CMTM4: variants seen among roughly 807,000 people sequenced by gnomAD.
The protein encoded by CMTM4 is CKLF like MARVEL transmembrane domain containing 4.
In CMTM4, 8 loss-of-function variants were observed where a neutral mutation model predicts 19.0. The observed-to-expected ratio is 0.42, with a 90% CI of 0.25 to 0.76. The LOEUF is 0.76. Among genes scored for constraint, CMTM4 ranks in the 30% least tolerant of loss-of-function variants. The pLI, the probability that CMTM4 is intolerant of heterozygous loss-of-function variation, is 0.27. For missense variants in CMTM4, 228 were observed against 290.2 expected (o/e 0.79, Z 1.56); for synonymous variants, 106 against 121.1 (o/e 0.88, Z 0.82).
chr16:66,617,152 G>A lies in CMTM4; in HGVS notation c.*4906C>T, dbSNP rs1048490825. On this transcript the variant is annotated 3_prime_UTR_variant, in exon 4 of 4. Transcript: ENST00000394106. ...GTATTATGCATCCCAAAGAAAACACGCCACCCCAGGTGTCTAGATAGCAAG... is the reference window on the plus strand; with the variant it reads ...GTATTATGCATCCCAAAGAAAACACACCACCCCAGGTGTCTAGATAGCAAG... 35 of 909,002 alleles carry A rather than the reference G, an allele frequency of 3.9e-5. No individual in the cohort carries two copies. Among genetic ancestry groups the A allele is most frequent in the Middle Eastern group, 2.3e-4 (1 of 4,392 alleles). The allele number at this position is 909,002 out of a possible 1,614,324, so 56.3% of individuals were successfully genotyped here. A position where few individuals can be genotyped will look rare whatever the true frequency, so the allele number is the denominator to read the frequency against.
the CMTM4 span, among the ~76,000 whole-genome samples, chr16:66,599,514 G>T: frequency 6.6e-6 from 1 of 151,742 alleles, no homozygotes; most frequent in East Asian, 1.9e-4. Flanking sequence ...TTGAGACAAG[G>T]TCTCACTCGC....
intron 1 of CMTM4, among the ~76,000 whole-genome samples, chr16:66,694,071 C>A (rs72790500): frequency 0.043 from 6,533 of 150,208 alleles, 264 homozygotes; most frequent in East Asian, 0.16. Context: ...AGGGAGAGAG[C>A]GCGAGGGAGA....
At chr16:66,612,653 C>G (rs369189650), downstream of CMTM4, 2 of 1,613,482 alleles carry the variant, frequency 1.2e-6, no homozygotes, top group African/African-American at 2.7e-5. This position sits in a 1 kb window ranked among gnomAD's most constrained non-coding sequence, Gnocchi z 6.0. Flanking sequence ...TGGCGGGTGC[C>G]TTGGCAACCT....
intron 1 of CMTM4, among the ~76,000 whole-genome samples, chr16:66,656,885 G>A (rs988899227): frequency 2.6e-5 from 4 of 151,972 alleles, no homozygotes; most frequent in Admixed American, 1.3e-4. Context: ...AAAATAACTC[G>A]CCTGTATTCT....
intron 1 of CMTM4, among the ~76,000 whole-genome samples, chr16:66,642,164 T>C (rs1480464324): frequency 6.6e-6 from 1 of 152,126 alleles, no homozygotes; most frequent in African/African-American, 2.4e-5. Flanking sequence ...AAACTACCTA[T>C]TGACCAAGAA....
At chr16:66,604,123 G>T in the CMTM4 span, 1 of 149,088 alleles carries the variant, frequency 6.7e-6, no homozygotes, top group Non-Finnish European at 1.5e-5. Context: ...GCCTGTGTGT[G>T]TTTGCGCGCG....
rs2015523220 is a variant in CMTM4, at chr16:66,616,175, T to C, written c.*5883A>G. The stretch of plus-strand genomic sequence containing the variant: ...TAGTGTTATCTTGTTTAACTAAATG[T>C]ACATCTTTTTTTCCAATTCCATGAT... On this transcript the variant is annotated 3_prime_UTR_variant, in exon 4 of 4. Transcript: ENST00000394106. 6.6e-6 allele frequency: 1 copy of C among 152,230 alleles called. No homozygotes were observed. The highest frequency in any genetic ancestry group is 1.5e-5 in the Non-Finnish European group (1 of 68,048). 9.4% of individuals were successfully genotyped at this position (152,230 alleles called of 1,614,324 possible).
At chr16:66,646,234 A>G (rs895316972) in intron 1 of CMTM4, among the ~76,000 whole-genome samples, 26 of 152,334 alleles carry the variant, frequency 1.7e-4, no homozygotes, top group African/African-American at 6.0e-4. Context: ...TTTAAGCTAA[A>G]CAGTAAAAAA....
At chr16:66,672,342 T>A (rs763437701) in intron 1 of CMTM4, among the ~76,000 whole-genome samples, 1 of 147,474 alleles carries the variant, frequency 6.8e-6, no homozygotes, top group Non-Finnish European at 1.5e-5. Context: ...GAGACGGAGG[T>A]TGCAATAAGC....
chr16:66,605,882 C>T, the CMTM4 span, among the ~76,000 whole-genome samples: 1 of 152,134 alleles, frequency 6.6e-6, no homozygotes, highest in African/African-American at 2.4e-5. This position sits in a 1 kb window ranked among gnomAD's most constrained non-coding sequence, Gnocchi z 4.6. Context: ...CTCCCACGGT[C>T]AGCCCAGAGG....
the CMTM4 span, among the ~76,000 whole-genome samples, chr16:66,602,644 T>A: frequency 6.6e-6 from 1 of 152,096 alleles, no homozygotes; most frequent in Non-Finnish European, 1.5e-5. Context: ...CCTTCTGGGT[T>A]CAAGTGATTC....
chr16:66,603,795 T>C, the CMTM4 span: 1 of 152,128 alleles, frequency 6.6e-6, no homozygotes, highest in African/African-American at 2.4e-5. Flanking sequence ...GCAGGAATGG[T>C]TTCGGATCTA....
intron 1 of CMTM4, among the ~76,000 whole-genome samples, chr16:66,664,377 A>G (rs551234608): frequency 6.6e-6 from 1 of 152,136 alleles, no homozygotes; most frequent in South Asian, 2.1e-4. Context: ...GTAGTGAAAG[A>G]AAAGCAACAG....
intron 2 of CMTM4, among the ~76,000 whole-genome samples, chr16:66,630,786 GC>G (rs1166064670): frequency 6.6e-6 from 1 of 151,516 alleles, no homozygotes; most frequent in East Asian, 2.0e-4. Flanking sequence ...GAGCCCCTCT[GC>G]CTGGCTGCCC....
At chr16:66,612,367 C>T (rs987741205), downstream of CMTM4, among the ~76,000 whole-genome samples, 3 of 152,134 alleles carry the variant, frequency 2.0e-5, no homozygotes, top group Admixed American at 1.3e-4. The surrounding 1 kb of genome is among the most constrained non-coding windows in gnomAD (Gnocchi z 6.0). Flanking sequence ...GAGCAAGACT[C>T]TGTCTCAAAG....
Position 66,663,399 on chromosome 16 carries a change from AGGAGGCTGAAGCG to A in CMTM4, c.187-26831_187-26819del, listed in dbSNP as rs562600249. On this transcript the variant is annotated intron_variant, in intron 1 of 3. Transcript: ENST00000394106. Reference sequence around the variant, plus strand: ...TATACCCCTGCAGTCCCAGCTAATCAGGAGGCTGAAGCGGGAGGATTACTGGAGCCCAGGAGTT... The same window carrying A: ...TATACCCCTGCAGTCCCAGCTAATCAGGAGGATTACTGGAGCCCAGGAGTT... Among the ~76,000 whole-genome samples the A allele has an allele frequency of 3.1e-3, 477 of 152,226 alleles. 3 individuals are homozygous for A. Among genetic ancestry groups the A allele is most frequent in the African/African-American group, 0.011 (456 of 41,538 alleles).
At chr16:66,603,213 G>C in the CMTM4 span, among the ~76,000 whole-genome samples, 3 of 152,318 alleles carry the variant, frequency 2.0e-5, no homozygotes, top group African/African-American at 7.2e-5. Context: ...TAGTCACAGA[G>C]TGCTCTGGTG....
chr16:66,653,378 C>T (rs1365491957), intron 1 of CMTM4, among the ~76,000 whole-genome samples: 3 of 139,348 alleles, frequency 2.2e-5, no homozygotes, highest in Non-Finnish European at 3.0e-5. Flanking sequence ...CCCTGGCAAC[C>T]CCCCAGGACC....
intron 1 of CMTM4, among the ~76,000 whole-genome samples, chr16:66,647,850 T>A (rs1320018793): frequency 6.6e-6 from 1 of 152,190 alleles, no homozygotes; most frequent in African/African-American, 2.4e-5. Flanking sequence ...TGTTCTTTGA[T>A]TACTCATTAG....
Sources: gnomAD v4.1 joint callset for allele counts (sites outside exome capture counted in the v4.1 genomes callset) on GRCh38, gnomAD v4.1.1 for gene constraint, Gnocchi (gnomAD v3.1) non-coding constraint, MANE v1.5 for transcripts, NCBI Gene and HGNC (gene_info 2026-07-23, HGNC 2026-07-21) for gene names.